Variants in NBEAL2 observed in about 807,000 individuals in gnomAD.
NBEAL2 encodes neurobeachin-like protein 2.
Under a neutral mutation model 299.8 loss-of-function variants are expected in NBEAL2, and 160 were observed. That is an observed-to-expected ratio of 0.53 (90% CI 0.47 to 0.61). NBEAL2 has a LOEUF of 0.61. NBEAL2 is among the 20% of genes least tolerant of loss of function. NBEAL2 has a pLI of 0.00. For missense variants in NBEAL2, 3,112 were observed against 3,649.0 expected, an observed-to-expected ratio of 0.85 and a Z score of 3.79; for synonymous variants, 1,493 against 1,542.3, an observed-to-expected ratio of 0.97 and a Z score of 0.75.
At position 46,989,379 on chromosome 3, in the gene NBEAL2, T is replaced by G. The variant is rs2035913180; in HGVS notation, c.471T>G (p.Ser157Arg). 3.2e-6 allele frequency: 5 copies of G among 1,576,234 alleles called. No homozygotes were observed. Among genetic ancestry groups the G allele is most frequent in the Non-Finnish European group, 4.3e-6 (5 of 1,161,018 alleles). Residue 157 changes from serine to arginine, a missense_variant and splice_region_variant, in exon 5 of 54, where the codon AGT becomes AGG. By Grantham distance (110) the Ser-to-Arg change is moderately radical (BLOSUM62 -1). Coordinates refer to ENST00000450053, the MANE Select transcript of NBEAL2 (RefSeq NM_015175.3). The surrounding 1 kb of genome is among the most constrained non-coding windows in gnomAD (Gnocchi z 5.5). ...ACCAAACCTGGCGGCGCCAGCGCAG[T>G]GGGTGAGACCCAGCCCACAGGAAGG... ...DPYQTWRRQR[S>R]GEVISSKEKS...
At position 46,988,126 on chromosome 3, in the gene NBEAL2, C is replaced by T; in HGVS notation, c.52-543C>T. 4 of 1,133,438 alleles carry T rather than the reference C, an allele frequency of 3.5e-6. No individual in the cohort carries two copies. Among genetic ancestry groups the T allele is most frequent in the Non-Finnish European group, 4.5e-6 (4 of 892,888 alleles). 70.2% of individuals were successfully genotyped at this position (1,133,438 alleles called of 1,614,324 possible). A position where few individuals can be genotyped will look rare whatever the true frequency, so the allele number is the denominator to read the frequency against. ...GTTCCCGGGGCAAGGCAGGGCCGCA[C>T]ATGAGGATGTGCGCATGTCTGGGTC... On this transcript the variant is annotated intron_variant, in intron 1 of 53. Transcript: ENST00000450053. The surrounding 1 kb of genome is among the most constrained non-coding windows in gnomAD (Gnocchi z 4.4).
Position 47,000,417 on chromosome 3 carries a change from C to T in NBEAL2, c.4305+13C>T, listed in dbSNP as rs188549502. The T allele has an allele frequency of 3.8e-4, 593 of 1,557,866 alleles. 1 individual carries two copies. The African/African-American group carries it at 7.3e-3, about 19-fold the overall frequency. ...CAGCAACCCACAGGTGAGGTGGGCC[C>T]ACCCTCTGCCACTGCATGGTACCCA... On this transcript the variant is annotated intron_variant, in intron 27 of 53. Transcript: ENST00000450053. The surrounding 1 kb of genome is among the most constrained non-coding windows in gnomAD (Gnocchi z 4.5).
chr3:46,989,332 T>C lies in NBEAL2; in HGVS notation c.424T>C (p.Cys142Arg). The C allele has an allele frequency of 6.3e-7, 1 of 1,592,794 alleles. No individual in the cohort carries two copies. Among genetic ancestry groups the C allele is most frequent in the Non-Finnish European group, 8.5e-7 (1 of 1,169,740 alleles). ...ENVALHALLL[C>R]EGLFDPYQTW... ...TGTGGCCCTACATGCTCTGCTTCTC[T>C]GCGAGGGCCTCTTTGACCCTTACCA... Residue 142 changes from cysteine to arginine, a missense_variant, in exon 5 of 54, where the codon TGC (cysteine) becomes CGC (arginine). Around this residue, in one of 3 missense-constraint regions of NBEAL2, gnomAD observed 2,243 missense variants for 2,538.1 expected, o/e 0.88. Transcript: ENST00000450053. This position sits in a 1 kb window ranked among gnomAD's most constrained non-coding sequence, Gnocchi z 5.5.
chr3:47,004,958 G>C lies in NBEAL2; in HGVS notation c.6295-14G>C. ...CAGGGCCCTCATGCAGCCCCTGCTCGGGTGGGTGGCCAGTTCCCCTGGGTC... is the reference window on the plus strand; with the variant it reads ...CAGGGCCCTCATGCAGCCCCTGCTCCGGTGGGTGGCCAGTTCCCCTGGGTC... On this transcript the variant is annotated splice_polypyrimidine_tract_variant and intron_variant, in intron 38 of 53. Coordinates refer to ENST00000450053, the MANE Select transcript of NBEAL2 (RefSeq NM_015175.3). This position sits in a 1 kb window ranked among gnomAD's most constrained non-coding sequence, Gnocchi z 5.0. The C allele has an allele frequency of 6.3e-7, 1 of 1,599,716 alleles. No homozygotes were observed. The highest frequency in any genetic ancestry group is 8.5e-7 in the Non-Finnish European group (1 of 1,173,578).
intron 23 of NBEAL2, 21 bp from the exon 24 acceptor site, chr3:46,998,938 T>A: frequency 1.9e-6 from 3 of 1,603,882 alleles, no homozygotes; most frequent in Non-Finnish European, 2.6e-6. Flanking sequence ...CCCGACACAG[T>A]GTGAGACCCT....
At chr3:47,005,430 C>A in intron 40 of NBEAL2, 59 bp from the exon 41 acceptor site, 1 of 1,587,506 alleles carries the variant, frequency 6.3e-7, no homozygotes. Context: ...CCAGCCACAG[C>A]ATCTCCCTCC....
chr3:46,994,418 G>T, intron 11 of NBEAL2, 37 bp from the exon 12 acceptor site: 2 of 1,543,478 alleles, frequency 1.3e-6, no homozygotes, highest in Non-Finnish European at 1.8e-6. Flanking sequence ...TCCGGCCCAT[G>T]TATGTGTTCA....
Position 46,991,432 on chromosome 3 carries a change from T to A in NBEAL2, c.669T>A (p.Asp223Glu). ...GKENGQMAVS[D>E]GSVKGLLSVV... The stretch of plus-strand genomic sequence containing the variant: ...AGAACGGGCAGATGGCTGTAAGTGA[T>A]GGCTCTGTGAAGGGCCTGCTGAGTG... The change falls in exon 8 of 54, where the codon GAT becomes GAA. Residue 223 changes from aspartate (D) to glutamate (E), a missense_variant. This residue lies in a region of NBEAL2 where 2,243 missense variants were observed against 2,538.1 expected (regional missense o/e 0.88). Coordinates refer to ENST00000450053, the MANE Select transcript of NBEAL2 (RefSeq NM_015175.3). This position sits in a 1 kb window ranked among gnomAD's most constrained non-coding sequence, Gnocchi z 6.2. The A allele has an allele frequency of 6.2e-7, 1 of 1,608,608 alleles. No individual in the cohort carries two copies. Among genetic ancestry groups the A allele is most frequent in the South Asian group, 1.1e-5 (1 of 90,724 alleles).
At chr3:46,999,513 T>C in intron 25 of NBEAL2, 39 bp downstream of exon 25, 1 of 1,582,290 alleles carries the variant, frequency 6.3e-7, no homozygotes, top group Non-Finnish European at 8.6e-7. Flanking sequence ...GGGTGACATG[T>C]CAGAAAAACA....
rs745923949 is a variant in NBEAL2 at position 47,001,351 on chromosome 3, C to T, written c.4557C>T (p.Leu1519=). The T allele has an allele frequency of 3.1e-6, 5 of 1,613,326 alleles. No homozygotes were observed. Among genetic ancestry groups the T allele is most frequent in the South Asian group, 1.1e-5 (1 of 91,082 alleles). Residue 1519 remains leucine, a synonymous_variant, in exon 29 of 54, where the codon CTC becomes CTT. Coordinates refer to ENST00000450053, the MANE Select transcript of NBEAL2 (RefSeq NM_015175.3). This position sits in a 1 kb window ranked among gnomAD's most constrained non-coding sequence, Gnocchi z 6.1. ...KEAPVGVLAS[L]TQQALWLLRL... is the part of the protein sequence containing the mutation. ...CCCCCGTGGGGGTCCTGGCCAGCCT[C>T]ACCCAGCAAGCGCTTTGGCTGCTGC...
At position 46,988,582 on chromosome 3, in the gene NBEAL2, CT is replaced by C; in HGVS notation, c.52-85del. On this transcript the variant is annotated intron_variant, in intron 1 of 53. Coordinates refer to ENST00000450053, the MANE Select transcript of NBEAL2 (RefSeq NM_015175.3). This position sits in a 1 kb window ranked among gnomAD's most constrained non-coding sequence, Gnocchi z 4.4. The stretch of plus-strand genomic sequence containing the variant: ...TGCCCTCTGTCCACCTCCATTCATT[CT>C]TCGCCTCTGTCTACATCCCCTTGTC... 1 of 988,906 alleles carries C rather than the reference CT, an allele frequency of 1.0e-6. No individual in the cohort carries two copies. Among genetic ancestry groups the C allele is most frequent in the East Asian group, 4.2e-5 (1 of 24,058 alleles). 61.3% of individuals were successfully genotyped at this position (988,906 alleles called of 1,614,324 possible). A position where few individuals can be genotyped will look rare whatever the true frequency, so the allele number is the denominator to read the frequency against.
Position 47,008,290 on chromosome 3 carries a change from CTG to C in NBEAL2, c.7730_7731del (p.Val2577AspfsTer144). 10 of 1,613,254 alleles carry C rather than the reference CTG, an allele frequency of 6.2e-6. No individual in the cohort carries two copies. The highest frequency in any genetic ancestry group is 8.5e-6 in the Non-Finnish European group (10 of 1,179,546). ...TAAGTTGCCTTCCTGCAGGATGGAA[CTG>C]TGATCATACACACTGTACGCCGCGG... On this transcript the variant is annotated frameshift_variant, in exon 51 of 54. Transcript: ENST00000450053. LOFTEE classifies it high-confidence loss of function.
intron 12 of NBEAL2, 99 bp from the exon 13 acceptor site, chr3:46,994,933 T>C: frequency 1.4e-6 from 2 of 1,444,576 alleles, no homozygotes; most frequent in Non-Finnish European, 1.8e-6. Context: ...GTAGATCATG[T>C]TGCTGACTGC....
At position 46,996,765 on chromosome 3, in the gene NBEAL2, G is replaced by T. The variant is rs751700790; in HGVS notation, c.2488G>T (p.Ala830Ser). 6.2e-7 allele frequency: 1 copy of T among 1,612,384 alleles called. No individual in the cohort carries two copies. Among genetic ancestry groups the T allele is most frequent in the South Asian group, 1.1e-5 (1 of 91,042 alleles). ...CCACCTCCCAGGGCCCAATGAGACG[G>T]CACCCTTCAAGCCTGAGGGGGAGCT... ...TLCTLGPNET[A>S]PFKPEGELHE... The change falls in exon 17 of 54, where the codon GCA becomes TCA. Residue 830 changes from alanine to serine, a missense_variant. Coordinates refer to ENST00000450053, the MANE Select transcript of NBEAL2 (RefSeq NM_015175.3).
chr3:46,994,672 T>TA, intron 12 of NBEAL2, 119 bp downstream of exon 12: 1 of 867,168 alleles, frequency 1.2e-6, no homozygotes, highest in Non-Finnish European at 1.8e-6. Context: ...TACATACTGT[T>TA]ACCTGTAGCC....
Position 46,999,211 on chromosome 3 carries a change from A to T in NBEAL2, c.3543+94A>T, listed in dbSNP as rs1419187153. 12 of 1,534,756 alleles carry T rather than the reference A, an allele frequency of 7.8e-6. No homozygotes were observed. The East Asian group carries it at 2.6e-4, about 34-fold the overall frequency. On this transcript the variant is annotated intron_variant, in intron 24 of 53. Transcript: ENST00000450053. ...ACAGCAGGCCTTGGGCCAGCGGATG[A>T]AGCTGCCTTCAAGGGCCTCTTGAGC...
At position 47,002,772 on chromosome 3, in the gene NBEAL2, TCGCCAGCC is replaced by T. The variant is rs2107413869; in HGVS notation, c.5431_5438del (p.Ala1811MetfsTer50). 4 of 1,535,730 alleles carry T rather than the reference TCGCCAGCC, an allele frequency of 2.6e-6. No individual in the cohort carries two copies. Among genetic ancestry groups the T allele is most frequent in the Non-Finnish European group, 3.5e-6 (4 of 1,142,960 alleles). ...CACTGGGGGGCGCTGTGGCGCCAGC[TCGCCAGCC>T]CATGTGGGGCCTGGGCGCTGAGGTG... On this transcript the variant is annotated frameshift_variant, in exon 33 of 54. Transcript: ENST00000450053. LOFTEE classifies it high-confidence loss of function.
chr3:47,002,812 G>C lies in NBEAL2; in HGVS notation c.5459+10G>C, dbSNP rs550883189. ...GGGCCTGGGCGCTGAGGTGGGCCGG[G>C]CTTGGGGCAGGGTCGCTGTGGAGGG... On this transcript the variant is annotated intron_variant, in intron 33 of 53. Transcript: ENST00000450053. 7.2e-5 allele frequency: 112 copies of C among 1,553,362 alleles called. No homozygotes were observed. In the African/African-American group the frequency reaches 1.3e-3, roughly 18 times the overall value.
rs1357493244 is a variant in NBEAL2, at chr3:46,999,470, G to A, written c.3699G>A (p.Gly1233=). ...LCQGLYKLFL[G]ADCLNLSDLL... ...AGGGCCTCTACAAGCTGTTCCTGGG[G>A]GCAGGTACAACCTGGTTAAGGCCAA... Residue 1233 remains glycine, a synonymous_variant, in exon 25 of 54, where the codon GGG becomes GGA. Transcript: ENST00000450053. 3 of 1,580,028 alleles carry A rather than the reference G, an allele frequency of 1.9e-6. No homozygotes were observed. Among genetic ancestry groups the A allele is most frequent in the Admixed American group, 1.8e-5 (1 of 54,706 alleles).
Sources: gnomAD v4.1 joint callset for allele counts on GRCh38, gnomAD v4.1.1 for gene constraint, gnomAD v4.1.1 regional missense constraint, Gnocchi (gnomAD v3.1) non-coding constraint, MANE v1.5 for transcripts, NCBI Gene and HGNC (gene_info 2026-07-23, HGNC 2026-07-21) for gene names.